FAT3: variants seen among roughly 807,000 people sequenced by gnomAD.
FAT3 encodes protocadherin Fat 3.
In FAT3, 95 loss-of-function variants were observed where a neutral mutation model predicts 310.2. The ratio of observed to expected loss-of-function variants is 0.31; its 90% CI spans 0.26 to 0.36. The LOEUF is 0.36. Among genes scored for constraint, FAT3 ranks in the 10% least tolerant of loss-of-function variants. The pLI is 1.00. For missense variants in FAT3, 5,408 were observed against 5,715.6 expected (o/e 0.95, Z 1.74); for synonymous variants, 2,314 against 2,192.9 (o/e 1.06, Z -1.54).
intron 1 of FAT3, among the ~76,000 whole-genome samples, chr11:92,346,003 TA>T (rs1948408815): frequency 6.6e-6 from 1 of 152,164 alleles, no homozygotes; most frequent in African/African-American, 2.4e-5. Flanking sequence ...AAATACTTAG[TA>T]TATTATCTTA....
At chr11:92,344,126 A>G (rs551389977) in intron 1 of FAT3, among the ~76,000 whole-genome samples, 3 of 152,328 alleles carry the variant, frequency 2.0e-5, no homozygotes, top group African/African-American at 7.2e-5. Flanking sequence ...CTTCATTTCT[A>G]ATAGTAAAAG....
intron 22 of FAT3, among the ~76,000 whole-genome samples, chr11:92,874,094 T>C (rs1339334107): frequency 6.6e-6 from 1 of 151,984 alleles, no homozygotes; most frequent in Non-Finnish European, 1.5e-5. Context: ...TTCTTGCTAA[T>C]TATTTCCTTA....
chr11:92,478,677 C>T (rs1952113885), intron 2 of FAT3, among the ~76,000 whole-genome samples: 1 of 151,892 alleles, frequency 6.6e-6, no homozygotes. Flanking sequence ...AGTGCAGTGG[C>T]GTGATCTACG....
intron 2 of FAT3, among the ~76,000 whole-genome samples, chr11:92,396,633 G>A (rs189297050): frequency 2.4e-4 from 36 of 152,298 alleles, no homozygotes; most frequent in Admixed American, 2.6e-4. Context: ...CAGCCATGGT[G>A]GGTCTCCCCA....
intron 4 of FAT3, among the ~76,000 whole-genome samples, chr11:92,706,101 G>C (rs981244280): frequency 6.6e-6 from 1 of 151,850 alleles, no homozygotes; most frequent in Non-Finnish European, 1.5e-5. Flanking sequence ...TGTTAATGGT[G>C]GTGGTGGTAG....
intron 21 of FAT3, among the ~76,000 whole-genome samples, chr11:92,860,527 A>G (rs1182560086): frequency 6.6e-6 from 1 of 152,234 alleles, no homozygotes; most frequent in Non-Finnish European, 1.5e-5. Flanking sequence ...CCAGGTTGCT[A>G]TGTCAGCCTG....
chr11:92,414,737 G>T (rs1025863688), intron 2 of FAT3, among the ~76,000 whole-genome samples: 6 of 152,152 alleles, frequency 3.9e-5, no homozygotes, highest in African/African-American at 1.4e-4. Flanking sequence ...TAGGCCGGGC[G>T]TGGTGGCTCA....
At chr11:92,295,603 T>G (rs1014398940) in intron 1 of FAT3, among the ~76,000 whole-genome samples, 1 of 152,144 alleles carries the variant, frequency 6.6e-6, no homozygotes. Context: ...CTAGAAATTT[T>G]TTTCTCCGTG....
intron 13 of FAT3, among the ~76,000 whole-genome samples, chr11:92,825,668 A>G (rs945642795): frequency 2.0e-5 from 3 of 152,086 alleles, no homozygotes; most frequent in African/African-American, 7.2e-5. Context: ...AAAGGACTAG[A>G]ATGCCATTCT....
At chr11:92,765,208 GTA>G (rs945167332) in intron 6 of FAT3, 119 bp downstream of exon 6, 1 of 889,302 alleles carries the variant, frequency 1.1e-6, no homozygotes, top group African/African-American at 1.7e-5. Context: ...ATTAAAAGAT[GTA>G]TAGTGCTGGA....
Position 92,837,647 on chromosome 11 carries a change from C to CT in FAT3, c.10225-13dup. The CT allele has an allele frequency of 6.2e-7, 1 of 1,612,152 alleles. No homozygotes were observed. Among genetic ancestry groups the CT allele is most frequent in the South Asian group, 1.1e-5 (1 of 91,020 alleles). On this transcript the variant is annotated splice_polypyrimidine_tract_variant and intron_variant, in intron 16 of 27. Transcript: ENST00000525166. ...GCGCTACACCTCTTTACTGTCACCT[C>CT]TTTGTACCTTGGCAGGTGTCTGGAT...
rs551948222 is a variant in FAT3, at chr11:92,229,504, T to G, written c.-18+4330T>G. Among the ~76,000 whole-genome samples, 74 of 68,952 alleles carry G rather than the reference T, an allele frequency of 1.1e-3. 2 individuals are homozygous for G. The highest frequency in any genetic ancestry group is 2.9e-3 in the African/African-American group (65 of 22,756). 45.2% of individuals were successfully genotyped at this position (68,952 alleles called of 152,430 possible). A position where few individuals can be genotyped will look rare whatever the true frequency, so the allele number is the denominator to read the frequency against. On this transcript the variant is annotated intron_variant, in intron 1 of 27. Transcript: ENST00000525166. Reference sequence around the variant, plus strand: ...TTTGTTTTTTCGTGTTTTTTTTTTTTTTGTTTTTTGTTTTTTTTTACATTG... The same window carrying G: ...TTTGTTTTTTCGTGTTTTTTTTTTTGTTGTTTTTTGTTTTTTTTTACATTG...
At chr11:92,585,379 G>A (rs1939081962) in intron 3 of FAT3, among the ~76,000 whole-genome samples, 1 of 152,124 alleles carries the variant, frequency 6.6e-6, no homozygotes, top group Non-Finnish European at 1.5e-5. Context: ...TGTTGGCCTG[G>A]ATTGGTAGAT....
At chr11:92,519,948 TA>T (rs1423948089) in intron 2 of FAT3, among the ~76,000 whole-genome samples, 1 of 152,148 alleles carries the variant, frequency 6.6e-6, no homozygotes, top group Non-Finnish European at 1.5e-5. Context: ...GGTGCAAATA[TA>T]TGTCTATCCT....
In FAT3 at chr11:92,800,961, C is replaced by G. The variant is rs1396647010; in HGVS notation, c.7948C>G (p.Leu2650Val). The change falls in exon 10 of 28, where the codon CTC becomes GTC. Residue 2650 changes from leucine to valine, a missense_variant. Physicochemically the swap from Leu to Val is conservative, Grantham distance 32 (BLOSUM62 1). Coordinates refer to ENST00000525166, the MANE Select transcript of FAT3 (RefSeq NM_001367949.2). ...YSEASVSVAD[L>V]LEIDPDNGWM... ...CGAGGCCTCTGTTTCAGTGGCCGACCTCCTGGAAATCGATCCTGACAATGG... is the reference window on the plus strand; with the variant it reads ...CGAGGCCTCTGTTTCAGTGGCCGACGTCCTGGAAATCGATCCTGACAATGG... 1.1e-5 allele frequency: 17 copies of G among 1,613,252 alleles called. No individual in the cohort carries two copies. Among genetic ancestry groups the G allele is most frequent in the Non-Finnish European group, 1.4e-5 (17 of 1,179,612 alleles).
At chr11:92,833,454 C>G (rs920436424) in intron 14 of FAT3, among the ~76,000 whole-genome samples, 1 of 152,180 alleles carries the variant, frequency 6.6e-6, no homozygotes, top group Non-Finnish European at 1.5e-5. Context: ...CAGGCTCTTA[C>G]TAAGTACAAA....
intron 2 of FAT3, among the ~76,000 whole-genome samples, chr11:92,465,629 C>T (rs76976957): frequency 7.2e-5 from 11 of 152,006 alleles, no homozygotes; most frequent in South Asian, 4.2e-4. Flanking sequence ...AACCAAACAC[C>T]GCATGTTCTC....
At chr11:92,412,752 C>CACATATATATATAT (rs1565296555) in intron 2 of FAT3, among the ~76,000 whole-genome samples, 2 of 24,288 alleles carry the variant, frequency 8.2e-5, no homozygotes, top group African/African-American at 1.1e-4. Flanking sequence ...TATAAATATA[C>CACATATATATATAT]ATACATATAT....
intron 3 of FAT3, among the ~76,000 whole-genome samples, chr11:92,634,656 A>G (rs1941688245): frequency 6.6e-6 from 1 of 152,192 alleles, no homozygotes; most frequent in African/African-American, 2.4e-5. Context: ...CCAGTTATGC[A>G]CACTTTGAGG....
Sources: gnomAD v4.1 joint callset for allele counts (sites outside exome capture counted in the v4.1 genomes callset) on GRCh38, gnomAD v4.1.1 for gene constraint, MANE v1.5 for transcripts, NCBI Gene and HGNC (gene_info 2026-07-23, HGNC 2026-07-21) for gene names.